The following MAST3 variants were observed in gnomAD, a reference collection of about 807,000 sequenced individuals.
The protein encoded by MAST3 is microtubule associated serine/threonine kinase 3, also known as microtubule-associated serine/threonine-protein kinase 3.
MAST3 carries 43 observed loss-of-function variants against 127.0 expected under a neutral mutation model. The observed-to-expected ratio is 0.34, with a 90% CI of 0.27 to 0.44. The LOEUF (loss-of-function observed/expected upper bound fraction) is 0.44. Ranked by LOEUF, MAST3 falls within the 20% of genes least tolerant of loss-of-function variation. The pLI is 1.00. For missense variants in MAST3, 1,390 were observed against 1,919.1 expected, an observed-to-expected ratio of 0.72 and a Z score of 5.15; for synonymous variants, 785 against 809.2, an observed-to-expected ratio of 0.97 and a Z score of 0.51.
In MAST3 at chr19:18,124,274, C is replaced by T; in HGVS notation, c.853C>T (p.Arg285Cys). The T allele has an allele frequency of 1.2e-6, 2 of 1,606,586 alleles. No individual in the cohort carries two copies. The highest frequency in any genetic ancestry group is 1.1e-5 in the South Asian group (1 of 89,590). The stretch of plus-strand genomic sequence containing the variant: ...GACCCACCTCCCCCAGGCCCATGAG[C>T]GTTCGGACAGTGAGGAGGTCAGCTT... Reference protein sequence around the residue: ...LERLLQDAHERSDSEEVSFIV... With the variant: ...LERLLQDAHECSDSEEVSFIV... The change falls in exon 10 of 28, where the codon CGT (arginine) becomes TGT (cysteine). Residue 285 changes from arginine (R) to cysteine (C), a missense_variant. By Grantham distance (180) the Arg-to-Cys change is radical. Transcript: ENST00000687212.
chr19:18,101,507 T>C (rs1056820186), intron 1 of MAST3, among the ~76,000 whole-genome samples: 11 of 152,176 alleles, frequency 7.2e-5, no homozygotes, highest in Non-Finnish European at 1.6e-4. Context: ...CACCTCCCTT[T>C]GCACGTGCTG....
At chr19:18,124,396 G>T in intron 10 of MAST3, 30 bp downstream of exon 10, 2 of 1,560,170 alleles carry the variant, frequency 1.3e-6, no homozygotes, top group East Asian at 2.4e-5. Context: ...GCCAGCTTGG[G>T]GTCCAGGCAG....
intron 3 of MAST3, chr19:18,118,020 C>A: frequency 1.3e-6 from 1 of 746,148 alleles, no homozygotes; most frequent in Non-Finnish European, 1.6e-6. Flanking sequence ...CTCGGGGGCG[C>A]GCGCTTCCTT....
At position 18,142,033 on chromosome 19, in the gene MAST3, G is replaced by A. The variant is rs1246959704; in HGVS notation, c.2339+18G>A. 2 of 1,434,086 alleles carry A rather than the reference G, an allele frequency of 1.4e-6. No homozygotes were observed. Among genetic ancestry groups the A allele is most frequent in the Non-Finnish European group, 1.9e-6 (2 of 1,078,708 alleles). The allele number at this position is 1,434,086 out of a possible 1,614,324, so 88.8% of individuals were successfully genotyped here. On this transcript the variant is annotated intron_variant, in intron 21 of 27. Transcript: ENST00000687212. ...GACATCCGGTAAGTGGCCTGGGGAA[G>A]TGTAGGCAGATCCAGCTTCCAAGCC...
chr19:18,124,769 T>C lies in MAST3; in HGVS notation c.1073T>C (p.Leu358Pro). Residue 358 changes from leucine (L) to proline (P), a missense_variant, in exon 11 of 28, where the codon CTG becomes CCG. Physicochemically the swap from Leu to Pro is moderately conservative, Grantham distance 98. Transcript: ENST00000687212. Reference sequence around the variant, plus strand: ...CAGCTGGGCCTGGCCAAGGACCCCCTGGAGGGTAAGCCGGGATGGGAAGAG... The same window carrying C: ...CAGCTGGGCCTGGCCAAGGACCCCCCGGAGGGTAAGCCGGGATGGGAAGAG... The part of the protein sequence containing the change: ...IGQLGLAKDP[L>P]EEMVPLSHLE... 6.3e-7 allele frequency: 1 copy of C among 1,593,438 alleles called. No individual in the cohort carries two copies.
At position 18,149,715 on chromosome 19, in the gene MAST3, G is replaced by C; in HGVS notation, c.4033G>C (p.Gly1345Arg). The C allele has an allele frequency of 1.2e-6, 2 of 1,612,292 alleles. No individual in the cohort carries two copies. Among genetic ancestry groups the C allele is most frequent in the Non-Finnish European group, 1.7e-6 (2 of 1,179,650 alleles). ...CGTGCCAGTAGCTCTCGGGCCCACC[G>C]GAAGAGACTGATCCCCTGCCAGGTC... ...EAVPVALGPT[G>R]RD The change falls in exon 28 of 28, where the codon GGA becomes CGA. Residue 1345 changes from glycine to arginine, a missense_variant. This residue lies in a region of MAST3 where 816 missense variants were observed against 934.1 expected (regional missense o/e 0.87). Transcript: ENST00000687212. The surrounding 1 kb of genome is among the most constrained non-coding windows in gnomAD (Gnocchi z 5.9).
chr19:18,149,563 T>C lies in MAST3; in HGVS notation c.3881T>C (p.Leu1294Pro). The C allele has an allele frequency of 1.3e-6, 2 of 1,589,736 alleles. No homozygotes were observed. Among genetic ancestry groups the C allele is most frequent in the Non-Finnish European group, 1.7e-6 (2 of 1,169,226 alleles). ...CTCGTGGTCATGCGGCGGCTGCACC[T>C]GTCCGAGCGCCGAGACTCCTTCAAG... ...AELVVMRRLH[L>P]SERRDSFKKQ... Residue 1294 changes from leucine to proline, a missense_variant, in exon 28 of 28, where the codon CTG becomes CCG. Leu to Pro is a moderately conservative substitution (Grantham distance 98). Transcript: ENST00000687212. This position sits in a 1 kb window ranked among gnomAD's most constrained non-coding sequence, Gnocchi z 5.9.
At chr19:18,100,128 C>CTTTTTTTTTTTTTTTTTTTTT (rs58879254) in intron 1 of MAST3, among the ~76,000 whole-genome samples, 10 of 121,710 alleles carry the variant, frequency 8.2e-5, no homozygotes, top group Non-Finnish European at 1.4e-4. Context: ...CTCTCTCTCT[C>CTTTTTTTTTTTTTTTTTTTTT]TTTTTTTTTT....
At chr19:18,130,756 G>C in intron 14 of MAST3, 54 bp downstream of exon 14, 1 of 1,550,744 alleles carries the variant, frequency 6.4e-7, no homozygotes, top group Non-Finnish European at 8.8e-7. Flanking sequence ...ACCCCTCCAC[G>C]CCTGGGAGAA....
chr19:18,110,214 C>A lies in MAST3; in HGVS notation c.72-438C>A. The A allele has an allele frequency of 1.0e-6, 1 of 985,496 alleles. No homozygotes were observed. The highest frequency in any genetic ancestry group is 1.2e-6 in the Non-Finnish European group (1 of 829,966). 61.0% of individuals were successfully genotyped at this position (985,496 alleles called of 1,614,324 possible). A position where few individuals can be genotyped will look rare whatever the true frequency, so the allele number is the denominator to read the frequency against. ...CGCACCAGCCAGGCGTCTGTCCCTG[C>A]GTCCGTGTGTCCGTCCGTCGGTCCG... On this transcript the variant is annotated intron_variant, in intron 2 of 27. Transcript: ENST00000687212. The surrounding 1 kb of genome is among the most constrained non-coding windows in gnomAD (Gnocchi z 4.3).
chr19:18,151,531 T>A lies in MAST3; in HGVS notation c.*1805T>A, dbSNP rs1406926046. Reference sequence around the variant, plus strand: ...CTGTGTGACCCACTGGGCACTCTGGTGAGGGAGCTTTCCAGACATCAACAG... The same window carrying A: ...CTGTGTGACCCACTGGGCACTCTGGAGAGGGAGCTTTCCAGACATCAACAG... On this transcript the variant is annotated 3_prime_UTR_variant, in exon 28 of 28. Transcript: ENST00000687212. The A allele has an allele frequency of 2.6e-5, 4 of 152,196 alleles. No homozygotes were observed. Among genetic ancestry groups the A allele is most frequent in the Non-Finnish European group, 5.9e-5 (4 of 68,072 alleles). 9.4% of individuals were successfully genotyped at this position (152,196 alleles called of 1,614,324 possible).
rs1297487757 is a variant in MAST3, at chr19:18,122,767, C to T, written c.399+16C>T. ...CACCCTCTCGGTACCCATAGCCCCA[C>T]CTTGGCAGGTGGACAGGCAGATGCC... On this transcript the variant is annotated intron_variant, in intron 6 of 27. Transcript: ENST00000687212. 1.2e-6 allele frequency: 2 copies of T among 1,611,112 alleles called. No individual in the cohort carries two copies. The highest frequency in any genetic ancestry group is 1.3e-5 in the African/African-American group (1 of 74,896).
chr19:18,113,106 GGGAGGGA>G (rs2038821300), intron 3 of MAST3, among the ~76,000 whole-genome samples: 1 of 152,088 alleles, frequency 6.6e-6, no homozygotes, highest in African/African-American at 2.4e-5. Flanking sequence ...TAACTGGGAG[GGGAGGGA>G]GGAAGTATCT....
At chr19:18,132,943 A>G (rs2041479192) in intron 15 of MAST3, among the ~76,000 whole-genome samples, 1 of 152,162 alleles carries the variant, frequency 6.6e-6, no homozygotes, top group Non-Finnish European at 1.5e-5. Flanking sequence ...TCTCTACTAA[A>G]AATACAAAAA....
At chr19:18,122,629 AG>A in intron 5 of MAST3, 43 bp from the exon 6 acceptor site, 3 of 1,551,134 alleles carry the variant, frequency 1.9e-6, no homozygotes, top group Non-Finnish European at 2.7e-6. Context: ...CACAAACCAC[AG>A]GGGCCAGGCC....
rs745650017 is a variant in MAST3 at position 18,098,720 on chromosome 19, GTTT to G, written c.39+891_39+893del. 60 of 456,694 alleles carry G rather than the reference GTTT, an allele frequency of 1.3e-4. 1 individual carries two copies. Among genetic ancestry groups the G allele is most frequent in the South Asian group, 9.3e-4 (60 of 64,572 alleles). The allele number at this position is 456,694 out of a possible 1,614,324, so 28.3% of individuals were successfully genotyped here. Reference sequence around the variant, plus strand: ...GACCACACCCTTAAGAAGCCACCAAGTTTTCAGGTAGGGAACCTGGGATTCAGC... The same window carrying G: ...GACCACACCCTTAAGAAGCCACCAAGTCAGGTAGGGAACCTGGGATTCAGC... On this transcript the variant is annotated intron_variant, in intron 1 of 27. Transcript: ENST00000687212.
intron 1 of MAST3, chr19:18,098,756 C>T (rs773336379): frequency 2.2e-6 from 1 of 456,694 alleles, no homozygotes. Flanking sequence ...AGCACTTACC[C>T]AACGAACATT....
intron 1 of MAST3, among the ~76,000 whole-genome samples, chr19:18,106,058 A>T (rs934062590): frequency 2.4e-4 from 36 of 152,128 alleles, no homozygotes; most frequent in African/African-American, 8.4e-4. Context: ...TTCTTCATAA[A>T]TACAACTAAT....
chr19:18,135,048 C>T lies in MAST3; in HGVS notation c.1870+66C>T, dbSNP rs1599833305. On this transcript the variant is annotated intron_variant, in intron 17 of 27. Coordinates refer to ENST00000687212, the MANE Select transcript of MAST3 (RefSeq NM_001393504.1). The stretch of plus-strand genomic sequence containing the variant: ...ACCAGAGCTCTGGGCAGCGGTCCTC[C>T]ACCCGCATGTCAGGGAGAGAAGCAG... 4.0e-6 allele frequency: 6 copies of T among 1,508,734 alleles called. No individual in the cohort carries two copies. The East Asian group carries it at 6.8e-5, about 17-fold the overall frequency. The allele number at this position is 1,508,734 out of a possible 1,614,324, so 93.5% of individuals were successfully genotyped here.
Sources: allele counts gnomAD v4.1 joint callset (sites outside exome capture counted in the v4.1 genomes callset), GRCh38; gene constraint gnomAD v4.1.1; regional missense constraint gnomAD v4.1.1; non-coding constraint Gnocchi (gnomAD v3.1); transcripts MANE v1.5; gene names NCBI Gene and HGNC (gene_info 2026-07-23, HGNC 2026-07-21).